MTPAP: variants seen among roughly 807,000 people sequenced by gnomAD.
MTPAP encodes the protein mitochondrial poly(A) polymerase.
A neutral mutation model predicts 48.7 loss-of-function variants in MTPAP; 23 were observed. The observed-to-expected ratio is 0.47, with a 90% CI of 0.34 to 0.67. The LOEUF (loss-of-function observed/expected upper bound fraction) is 0.67, where lower values mean the gene tolerates loss of function less well. MTPAP is among the 30% of genes least tolerant of loss of function. MTPAP has a pLI of 0.01. For missense variants in MTPAP, 614 were observed against 694.3 expected, an observed-to-expected ratio of 0.88 and a Z score of 1.30; for synonymous variants, 257 against 254.1, an observed-to-expected ratio of 1.01 and a Z score of -0.11.
At position 30,316,205 on chromosome 10, in the gene MTPAP, C is replaced by T; in HGVS notation, c.1225G>A (p.Glu409Lys). 6.2e-7 allele frequency: 1 copy of T among 1,612,280 alleles called. No homozygotes were observed. Among genetic ancestry groups the T allele is most frequent in the Non-Finnish European group, 8.5e-7 (1 of 1,178,856 alleles). Residue 409 changes from glutamate (E) to lysine (K), a missense_variant, in exon 7 of 9, where the codon GAA becomes AAA. Transcript: ENST00000263063. ...TTGCCTTCTATTACACATTTATCTT[C>T]TGCATCTTAAACACAAACAAAAAAT... Reference protein sequence around the residue: ...LDSLKTLADAEDKCVIEGNNC... With the variant: ...LDSLKTLADAKDKCVIEGNNC...
intron 5 of MTPAP, 84 bp downstream of exon 5, chr10:30,326,340 C>A: frequency 7.9e-7 from 1 of 1,272,686 alleles, no homozygotes; most frequent in African/African-American, 1.5e-5. Context: ...TTTAAGATTA[C>A]AAAGCCACTG....
At chr10:30,322,655 C>A in intron 5 of MTPAP, 38 bp from the exon 6 acceptor site, 2 of 1,444,834 alleles carry the variant, frequency 1.4e-6, no homozygotes, top group South Asian at 1.2e-5. Context: ...TTCAAATCCC[C>A]AAATTATAAA....
In MTPAP at chr10:30,337,467, G is replaced by A. The variant is rs111410760; in HGVS notation, c.556-440C>T. ...AAAAACCACTGAGAAGGCCAGGCGC[G>A]GTGGCTCATGCCTGTAATCTCAATA... On this transcript the variant is annotated intron_variant, in intron 3 of 8. Coordinates refer to ENST00000263063, the MANE Select transcript of MTPAP (RefSeq NM_018109.4). Among the ~76,000 whole-genome samples, 579 of 151,952 alleles carry A rather than the reference G, an allele frequency of 3.8e-3. 1 individual carries two copies. The highest frequency in any genetic ancestry group is 0.013 in the African/African-American group (549 of 41,440).
At chr10:30,316,303 C>G in intron 6 of MTPAP, 93 bp from the exon 7 acceptor site, 2 of 982,092 alleles carry the variant, frequency 2.0e-6, no homozygotes, top group African/African-American at 3.2e-5. Context: ...AGTGTAGCGG[C>G]ATGATCTCAG....
chr10:30,346,085 A>G (rs1834871039), intron 1 of MTPAP, among the ~76,000 whole-genome samples: 1 of 152,018 alleles, frequency 6.6e-6, no homozygotes, highest in South Asian at 2.1e-4. Context: ...CTGTATTTAG[A>G]ATTAAAAACA....
At chr10:30,343,709 A>G (rs1834838666) in intron 1 of MTPAP, among the ~76,000 whole-genome samples, 1 of 152,132 alleles carries the variant, frequency 6.6e-6, no homozygotes. Flanking sequence ...CCGGTATTAC[A>G]GGCGTGCGCC....
Position 30,326,512 on chromosome 10 carries a change from C to T in MTPAP, c.904G>A (p.Val302Met). The T allele has an allele frequency of 6.2e-7, 1 of 1,614,156 alleles. No individual in the cohort carries two copies. The highest frequency in any genetic ancestry group is 1.1e-5 in the South Asian group (1 of 91,074). The change falls in exon 5 of 9, where the codon GTG becomes ATG. Residue 302 changes from valine to methionine, a missense_variant. By Grantham distance (21) the Val-to-Met change is conservative. Coordinates refer to ENST00000263063, the MANE Select transcript of MTPAP (RefSeq NM_018109.4). ...LDHFGPGCVG[V>M]QKILNARCPL... ...CACCGGGCATTTAATATTTTTTGCA[C>T]ACCCACACAGCCAGGGCCAAAGTGG...
rs755881194 is a variant in MTPAP at position 30,340,406 on chromosome 10, A to G, written c.375T>C (p.Gly125=). 1.9e-6 allele frequency: 3 copies of G among 1,614,136 alleles called. No individual in the cohort carries two copies. Among genetic ancestry groups the G allele is most frequent in the Non-Finnish European group, 2.5e-6 (3 of 1,180,034 alleles). ...GAGTATGAGTCCCATTCTGCAGTGA[A>G]CCTATGCTTTCCTTTTGGCAAAATT... The part of the protein sequence containing the change: ...VVEFCQKESI[G]SLQNGTHTPS... The change falls in exon 3 of 9, where the codon GGT becomes GGC. Residue 125 remains glycine, a synonymous_variant. Transcript: ENST00000263063.
chr10:30,324,086 T>C (rs1200463704), intron 5 of MTPAP, among the ~76,000 whole-genome samples: 1 of 152,052 alleles, frequency 6.6e-6, no homozygotes, highest in Non-Finnish European at 1.5e-5. Context: ...GTGGCTGACG[T>C]GGGAGGATCA....
At chr10:30,328,623 G>T (rs140818369) in intron 4 of MTPAP, among the ~76,000 whole-genome samples, 7 of 152,144 alleles carry the variant, frequency 4.6e-5, no homozygotes, top group African/African-American at 1.7e-4. Flanking sequence ...TGTTTATCAT[G>T]GACATCTACC....
chr10:30,341,726 T>C, intron 1 of MTPAP, 86 bp from the exon 2 acceptor site: 1 of 1,469,650 alleles, frequency 6.8e-7, no homozygotes, highest in Non-Finnish European at 9.4e-7. Flanking sequence ...AGACTTCATA[T>C]ATGACTAAAA....
At chr10:30,323,936 T>A (rs1834544928) in intron 5 of MTPAP, among the ~76,000 whole-genome samples, 1 of 152,192 alleles carries the variant, frequency 6.6e-6, no homozygotes, top group Non-Finnish European at 1.5e-5. Context: ...ATCTCAGAAC[T>A]TTGGGAAGCT....
chr10:30,348,738 T>A (rs1251459183), intron 1 of MTPAP: 1 of 222,812 alleles, frequency 4.5e-6, no homozygotes, highest in Non-Finnish European at 9.1e-6. Flanking sequence ...AACAACTTAA[T>A]GTATCAAAAT....
chr10:30,317,541 C>T (rs1320487262), intron 6 of MTPAP, among the ~76,000 whole-genome samples: 3 of 152,168 alleles, frequency 2.0e-5, no homozygotes, highest in African/African-American at 4.8e-5. Context: ...ATCCCTGGCC[C>T]ACACTATCTG....
At chr10:30,348,094 A>G (rs1834892670) in intron 1 of MTPAP, among the ~76,000 whole-genome samples, 1 of 152,206 alleles carries the variant, frequency 6.6e-6, no homozygotes, top group African/African-American at 2.4e-5. Flanking sequence ...TTAAACACCC[A>G]TACAAATGTT....
intron 1 of MTPAP, among the ~76,000 whole-genome samples, chr10:30,347,897 G>GA (rs34708356): frequency 1.0e-4 from 15 of 150,442 alleles, no homozygotes; most frequent in Non-Finnish European, 1.2e-4. Flanking sequence ...TCCCGAAAAA[G>GA]AAAAAAAAAA....
At position 30,335,344 on chromosome 10, in the gene MTPAP, G is replaced by A. The variant is rs1357777955; in HGVS notation, c.780+1459C>T. Among the ~76,000 whole-genome samples, 3 of 151,884 alleles carry A rather than the reference G, an allele frequency of 2.0e-5. 1 individual carries two copies. The highest frequency in any genetic ancestry group is 6.6e-5 in the Admixed American group (1 of 15,238). ...TCTACTAAAACAAAAAAATTAGCCGGGCATGGTGGCCCCTGCCTGCAGTCC... is the reference window on the plus strand; with the variant it reads ...TCTACTAAAACAAAAAAATTAGCCGAGCATGGTGGCCCCTGCCTGCAGTCC... On this transcript the variant is annotated intron_variant, in intron 4 of 8. Coordinates refer to ENST00000263063, the MANE Select transcript of MTPAP (RefSeq NM_018109.4).
At chr10:30,315,540 A>C (rs1170321818) in intron 8 of MTPAP, among the ~76,000 whole-genome samples, 3 of 151,998 alleles carry the variant, frequency 2.0e-5, no homozygotes, top group Non-Finnish European at 4.4e-5. Context: ...CAAAACAAAA[A>C]AACACCTAAA....
chr10:30,327,499 A>AAAATAAATAAATAAAT (rs55642261), intron 4 of MTPAP, among the ~76,000 whole-genome samples: 126 of 138,996 alleles, frequency 9.1e-4, no homozygotes, highest in African/African-American at 3.2e-3. Flanking sequence ...ACTCCATTTC[A>AAAATAAATAAATAAAT]AAATAAATAA....
Sources: gnomAD v4.1 joint callset for allele counts (sites outside exome capture counted in the v4.1 genomes callset) on GRCh38, gnomAD v4.1.1 for gene constraint, MANE v1.5 for transcripts, NCBI Gene and HGNC (gene_info 2026-07-23, HGNC 2026-07-21) for gene names.